The following ROCK1 variants were observed in gnomAD, a reference collection of about 807,000 sequenced individuals.
ROCK1 encodes Rho associated coiled-coil containing protein kinase 1.
In ROCK1, 36 loss-of-function variants were observed where a neutral mutation model predicts 196.8. That is an observed-to-expected ratio of 0.18 (90% CI 0.14 to 0.24). ROCK1 has a LOEUF of 0.24. Ranked by LOEUF, ROCK1 falls within the 10% of genes least tolerant of loss-of-function variation. The pLI is 1.00. For synonymous variants in ROCK1, 443 were observed against 515.9 expected (o/e 0.86, Z 1.91); for missense variants, 920 against 1,562.0 (o/e 0.59, Z 6.93).
chr18:21,103,451 A>G (rs1337467902), intron 1 of ROCK1, among the ~76,000 whole-genome samples: 1 of 151,546 alleles, frequency 6.6e-6, no homozygotes, highest in Non-Finnish European at 1.5e-5. Flanking sequence ...TGTTTAATAA[A>G]TTTTATTTTA....
chr18:21,109,994 T>C (rs1417329033), intron 1 of ROCK1, among the ~76,000 whole-genome samples: 1 of 152,134 alleles, frequency 6.6e-6, no homozygotes, highest in Non-Finnish European at 1.5e-5. Flanking sequence ...GTTCAGAAAC[T>C]CTGAACAACT....
At chr18:21,103,731 G>A (rs1262499805) in intron 1 of ROCK1, among the ~76,000 whole-genome samples, 3 of 152,114 alleles carry the variant, frequency 2.0e-5, no homozygotes, top group Non-Finnish European at 4.4e-5. Context: ...AGACCACCAT[G>A]CCAGGCCTAT....
At position 21,104,541 on chromosome 18, in the gene ROCK1, A is replaced by C. The variant is rs111973123; in HGVS notation, c.93+6277T>G. Among the ~76,000 whole-genome samples, 316 of 152,222 alleles carry C rather than the reference A, an allele frequency of 2.1e-3. 1 individual carries two copies. The highest frequency in any genetic ancestry group is 0.014 in the Middle Eastern group (4 of 294). ...GAACCCAGGAGGTGGAGCTTGCAGT[A>C]AGCCAAGATAGCGCCACGGCACTTC... On this transcript the variant is annotated intron_variant, in intron 1 of 32. Transcript: ENST00000399799.
chr18:21,045,202 G>C, intron 5 of ROCK1, 90 bp downstream of exon 5: 2 of 1,182,174 alleles, frequency 1.7e-6, no homozygotes, highest in Non-Finnish European at 2.3e-6. Context: ...TACGGAAGAA[G>C]AATGGGTGAA....
At chr18:21,106,251 A>G (rs188472031) in intron 1 of ROCK1, among the ~76,000 whole-genome samples, 25 of 152,324 alleles carry the variant, frequency 1.6e-4, no homozygotes, top group Non-Finnish European at 2.9e-4. Flanking sequence ...TATTTTCATG[A>G]AAAGTATGTC....
In ROCK1 at chr18:21,023,674, T is replaced by G; in HGVS notation, c.1218A>C (p.Leu406Phe). The G allele has an allele frequency of 6.4e-7, 1 of 1,569,058 alleles. No homozygotes were observed. The highest frequency in any genetic ancestry group is 1.2e-5 in the South Asian group (1 of 84,598). The change falls in exon 11 of 33, where the codon TTA (leucine) becomes TTC (phenylalanine). Residue 406 changes from leucine to phenylalanine, a missense_variant. Leu to Phe is a conservative substitution (Grantham distance 22, BLOSUM62 0). Coordinates refer to ENST00000399799, the MANE Select transcript of ROCK1 (RefSeq NM_005406.3). The stretch of plus-strand genomic sequence containing the variant: ...TGTTATCATTAGGATTTGCTGAAGA[T>G]AAGTATCTGAGGGAAAGAAAAGTTT... ...GFTYYSNRRY[L>F]SSANPNDNRT...
At chr18:21,032,774 G>C (rs2036020764) in intron 9 of ROCK1, among the ~76,000 whole-genome samples, 2 of 149,444 alleles carry the variant, frequency 1.3e-5, no homozygotes, top group South Asian at 4.2e-4. Flanking sequence ...CACCTGCCTT[G>C]GCCTCCCAAA....
intron 1 of ROCK1, among the ~76,000 whole-genome samples, chr18:21,095,056 A>G (rs1444943434): frequency 6.6e-6 from 1 of 151,412 alleles, no homozygotes; most frequent in Non-Finnish European, 1.5e-5. Context: ...GTCTCAAAAA[A>G]AAAAAAAAAA....
intron 2 of ROCK1, among the ~76,000 whole-genome samples, chr18:21,058,694 C>T (rs2036264367): frequency 1.3e-5 from 2 of 152,096 alleles, no homozygotes; most frequent in South Asian, 2.1e-4. Flanking sequence ...ATTCTCCCAC[C>T]GCAGCCTCCC....
chr18:20,971,305 T>TACACACACACACACAC lies in ROCK1; in HGVS notation c.2655-808_2655-793dup, dbSNP rs374530206. Among the ~76,000 whole-genome samples, 16 of 136,840 alleles carry TACACACACACACACAC rather than the reference T, an allele frequency of 1.2e-4. No individual in the cohort carries two copies. In the East Asian group the frequency reaches 1.5e-3, roughly 13 times the overall value. 89.8% of individuals were successfully genotyped at this position (136,840 alleles called of 152,430 possible). A position where few individuals can be genotyped will look rare whatever the true frequency, so the allele number is the denominator to read the frequency against. On this transcript the variant is annotated intron_variant, in intron 22 of 32. Transcript: ENST00000399799. ...TCAAGAGGGAGACATATAGTAAACA[T>TACACACACACACACAC]ACACACACACACACACACACACACA... is the stretch of plus-strand genomic sequence containing the variant.
At chr18:20,988,819 AT>A (rs970475400) in intron 18 of ROCK1, among the ~76,000 whole-genome samples, 7 of 151,286 alleles carry the variant, frequency 4.6e-5, no homozygotes, top group Admixed American at 1.3e-4. Context: ...ATGTATTATT[AT>A]TTTTTTTTGT....
intron 4 of ROCK1, among the ~76,000 whole-genome samples, chr18:21,045,912 T>TTG (rs1568393721): frequency 7.5e-6 from 1 of 132,576 alleles, no homozygotes; most frequent in East Asian, 2.1e-4. Flanking sequence ...TTTTTTTTTT[T>TTG]TTTTTTTTTT....
Position 21,042,178 on chromosome 18 carries a change from T to G in ROCK1, c.878A>C (p.His293Pro). The change falls in exon 8 of 33, where the codon CAT (histidine) becomes CCT (proline). Residue 293 changes from histidine (H) to proline (P), a missense_variant. Physicochemically the swap from His to Pro is moderately conservative, Grantham distance 77 (BLOSUM62 -2). Transcript: ENST00000399799. Reference protein sequence around the residue: ...LVGTYSKIMNHKNSLTFPDDN... With the variant: ...LVGTYSKIMNPKNSLTFPDDN... ...ATCAGGAAAGGTAAGTGAATTTTTA[T>G]GGTTCATAATTTTACTGTAAGTTCC... 1 of 1,605,046 alleles carries G rather than the reference T, an allele frequency of 6.2e-7. No homozygotes were observed. The highest frequency in any genetic ancestry group is 8.5e-7 in the Non-Finnish European group (1 of 1,176,772).
At chr18:21,049,374 C>A in intron 3 of ROCK1, 145 bp from the exon 4 acceptor site, 1 of 645,104 alleles carries the variant, frequency 1.6e-6, no homozygotes. Context: ...TCTCTTCTGC[C>A]AAATTATTCC....
At chr18:21,076,546 T>TTG (rs1240828525) in intron 1 of ROCK1, among the ~76,000 whole-genome samples, 2 of 152,032 alleles carry the variant, frequency 1.3e-5, no homozygotes, top group Admixed American at 6.6e-5. Flanking sequence ...TATGATACGT[T>TTG]TGTGTGTGTG....
At chr18:21,078,371 CACAGAGAG>C (rs1238431998) in intron 1 of ROCK1, among the ~76,000 whole-genome samples, 30 of 144,082 alleles carry the variant, frequency 2.1e-4, no homozygotes, top group South Asian at 6.7e-4. Flanking sequence ...CACACACACA[CACAGAGAG>C]AGAGAGAGAG....
rs186430322 is a variant in ROCK1 at position 21,018,487 on chromosome 18, G to A, written c.1361+1664C>T. ...AGAGGTTGCAGTGAGCCGCGATCGC[G>A]CCATCATACTCCAGCCTGGGGGACA... On this transcript the variant is annotated intron_variant, in intron 12 of 32. Coordinates refer to ENST00000399799, the MANE Select transcript of ROCK1 (RefSeq NM_005406.3). Among the ~76,000 whole-genome samples the A allele has an allele frequency of 1.3e-3, 200 of 148,956 alleles. 1 individual carries two copies. Among genetic ancestry groups the A allele is most frequent in the South Asian group, 7.6e-3 (36 of 4,728 alleles).
At chr18:20,999,421 C>T (rs2035701359) in intron 16 of ROCK1, among the ~76,000 whole-genome samples, 1 of 151,884 alleles carries the variant, frequency 6.6e-6, no homozygotes, top group African/African-American at 2.4e-5. Flanking sequence ...CCAGAAGATA[C>T]AGGAGTCAAA....
chr18:21,050,377 G>T (rs1289819276), intron 2 of ROCK1, among the ~76,000 whole-genome samples: 2 of 150,496 alleles, frequency 1.3e-5, no homozygotes, highest in Admixed American at 6.6e-5. Flanking sequence ...TTTCCAACTG[G>T]TAATCTTTAA....
Sources: allele counts gnomAD v4.1 joint callset (sites outside exome capture counted in the v4.1 genomes callset), GRCh38; gene constraint gnomAD v4.1.1; transcripts MANE v1.5; gene names NCBI Gene and HGNC (gene_info 2026-07-23, HGNC 2026-07-21).